The following NFIC variants were observed in gnomAD, a reference collection of about 807,000 sequenced individuals.
The protein encoded by NFIC is nuclear factor 1 C-type.
In NFIC, 12 loss-of-function variants were observed where a neutral mutation model predicts 54.4. The ratio of observed to expected loss-of-function variants is 0.22; its 90% CI spans 0.14 to 0.36. NFIC has a LOEUF of 0.36. Ranked by LOEUF, NFIC falls within the 10% of genes least tolerant of loss-of-function variation. The pLI is 1.00. For synonymous variants in NFIC, 322 were observed against 319.2 expected, an observed-to-expected ratio of 1.01 and a Z score of -0.09; for missense variants, 575 against 718.2, an observed-to-expected ratio of 0.80 and a Z score of 2.28.
rs2082680487 is a variant in NFIC at position 3,463,983 on chromosome 19, C to G, written c.*1214C>G. On this transcript the variant is annotated 3_prime_UTR_variant, in exon 11 of 11. Transcript: ENST00000443272. ...CCCCCCCAGAGCTAGAGAGATGGGG[C>G]CCCTGCGTGGCCCGAGGGGCAGAGC... 2 of 984,958 alleles carry G rather than the reference C, an allele frequency of 2.0e-6. No individual in the cohort carries two copies. The highest frequency in any genetic ancestry group is 2.4e-6 in the Non-Finnish European group (2 of 829,888). 61.0% of individuals were successfully genotyped at this position (984,958 alleles called of 1,614,324 possible).
chr19:3,428,181 A>G (rs1411173121), intron 3 of NFIC, among the ~76,000 whole-genome samples: 2 of 151,044 alleles, frequency 1.3e-5, no homozygotes, highest in African/African-American at 2.4e-5. Flanking sequence ...CAAAAAAAAA[A>G]AAAAGAAAAG....
chr19:3,456,721 G>A, intron 10 of NFIC, 86 bp downstream of exon 10: 1 of 1,257,260 alleles, frequency 8.0e-7, no homozygotes, highest in Non-Finnish European at 1.1e-6. Context: ...AGGGCCTGCT[G>A]GGTCCCACGC....
chr19:3,454,506 T>C (rs2082521375), intron 9 of NFIC, among the ~76,000 whole-genome samples: 1 of 151,858 alleles, frequency 6.6e-6, no homozygotes, highest in Non-Finnish European at 1.5e-5. Context: ...ACCTTCTAGA[T>C]TTTTCTGCTC....
Position 3,463,982 on chromosome 19 carries a change from GC to G in NFIC, c.*1217del, listed in dbSNP as rs1025780119. On this transcript the variant is annotated 3_prime_UTR_variant, in exon 11 of 11. Transcript: ENST00000443272. Reference sequence around the variant, plus strand: ...GCCCCCCCAGAGCTAGAGAGATGGGGCCCCTGCGTGGCCCGAGGGGCAGAGC... The same window carrying G: ...GCCCCCCCAGAGCTAGAGAGATGGGGCCCTGCGTGGCCCGAGGGGCAGAGC... 1 of 985,084 alleles carries G rather than the reference GC, an allele frequency of 1.0e-6. No homozygotes were observed. Among genetic ancestry groups the G allele is most frequent in the African/African-American group, 1.8e-5 (1 of 57,136 alleles). The allele number at this position is 985,084 out of a possible 1,614,324, so 61.0% of individuals were successfully genotyped here.
chr19:3,459,946 G>T lies in NFIC; in HGVS notation c.1510-2806G>T, dbSNP rs1226009584. Among the ~76,000 whole-genome samples the T allele has an allele frequency of 6.6e-6, 1 of 152,136 alleles. No homozygotes were observed. Among genetic ancestry groups the T allele is most frequent in the Non-Finnish European group, 1.5e-5 (1 of 68,018 alleles). On this transcript the variant is annotated intron_variant, in intron 10 of 10. Coordinates refer to ENST00000443272, the MANE Select transcript of NFIC (RefSeq NM_001245002.2). The surrounding 1 kb of genome is among the most constrained non-coding windows in gnomAD (Gnocchi z 4.2). ...GTTGGGGAGTGGAGGGGTCTCCCCAGTTCCAGAGGCACAGCCCTCCCCTCA... is the reference window on the plus strand; with the variant it reads ...GTTGGGGAGTGGAGGGGTCTCCCCATTTCCAGAGGCACAGCCCTCCCCTCA...
Position 3,375,266 on chromosome 19 carries a change from C to T in NFIC, c.31-6446C>T, listed in dbSNP as rs2081086263. ...CCAGAGCTTGGGTGGCAGCCACGGCCCCAGCTGGACAACATTGTCCGGGCC... is the reference window on the plus strand; with the variant it reads ...CCAGAGCTTGGGTGGCAGCCACGGCTCCAGCTGGACAACATTGTCCGGGCC... On this transcript the variant is annotated intron_variant, in intron 1 of 10. Coordinates refer to ENST00000443272, the MANE Select transcript of NFIC (RefSeq NM_001245002.2). The surrounding 1 kb of genome is among the most constrained non-coding windows in gnomAD (Gnocchi z 4.6). 6.6e-6 allele frequency among the ~76,000 whole-genome samples: 1 copy of T among 152,096 alleles called. No individual in the cohort carries two copies. The highest frequency in any genetic ancestry group is 2.1e-4 in the South Asian group (1 of 4,824).
At chr19:3,376,775 C>T (rs1177924164) in intron 1 of NFIC, among the ~76,000 whole-genome samples, 3 of 152,054 alleles carry the variant, frequency 2.0e-5, no homozygotes, top group Non-Finnish European at 4.4e-5. Context: ...GTTGCCCAGG[C>T]TGGAGTGCAA....
intron 2 of NFIC, among the ~76,000 whole-genome samples, chr19:3,398,282 G>A (rs975873731): frequency 3.3e-5 from 5 of 152,132 alleles, no homozygotes; most frequent in African/African-American, 9.7e-5. Flanking sequence ...TAGGGAGAAG[G>A]GCCTGAAACA....
intron 2 of NFIC, among the ~76,000 whole-genome samples, chr19:3,422,979 C>G (rs1292365187): frequency 6.6e-6 from 1 of 151,482 alleles, no homozygotes; most frequent in Non-Finnish European, 1.5e-5. Flanking sequence ...GGCGGATCAC[C>G]TGAGGTCAGG....
intron 2 of NFIC, among the ~76,000 whole-genome samples, chr19:3,414,155 G>A (rs1160120599): frequency 2.6e-5 from 4 of 152,140 alleles, no homozygotes; most frequent in Non-Finnish European, 5.9e-5. Flanking sequence ...GCTCAGAGAT[G>A]TGGAAGTACT....
chr19:3,366,679 C>T lies in NFIC; in HGVS notation c.30+13C>T, dbSNP rs777810853. 9 of 1,406,194 alleles carry T rather than the reference C, an allele frequency of 6.4e-6. No individual in the cohort carries two copies. The highest frequency in any genetic ancestry group is 3.0e-5 in the African/African-American group (2 of 66,656). 87.1% of individuals were successfully genotyped at this position (1,406,194 alleles called of 1,614,324 possible). On this transcript the variant is annotated intron_variant, in intron 1 of 10. Transcript: ENST00000443272. ...CTGCCTCACCCAGGTACGGTCCTCG[C>T]CCGGCCCCCCGCCGGCGCCCCCGCG... is the stretch of plus-strand genomic sequence containing the variant.
At position 3,369,958 on chromosome 19, in the gene NFIC, G is replaced by A. The variant is rs562714097; in HGVS notation, c.30+3292G>A. 1.8e-4 allele frequency among the ~76,000 whole-genome samples: 27 copies of A among 152,298 alleles called. 1 individual carries two copies. The South Asian group carries it at 5.2e-3, about 29-fold the overall frequency. On this transcript the variant is annotated intron_variant, in intron 1 of 10. Transcript: ENST00000443272. This position sits in a 1 kb window ranked among gnomAD's most constrained non-coding sequence, Gnocchi z 4.3. ...CTGCCATTTCTCCAGCAGGGTAACC[G>A]AGGCTGGGAGAGGCTGTCCTCCCAC...
chr19:3,394,519 A>ACACCCCCCCCC (rs1555744611), intron 2 of NFIC, among the ~76,000 whole-genome samples: 3 of 47,308 alleles, frequency 6.3e-5, no homozygotes, highest in African/African-American at 4.1e-4. Flanking sequence ...TCTTTTCCCC[A>ACACCCCCCCCC]CCCACCCCCC....
chr19:3,375,464 C>T lies in NFIC; in HGVS notation c.31-6248C>T, dbSNP rs892448591. 5.3e-5 allele frequency among the ~76,000 whole-genome samples: 8 copies of T among 152,232 alleles called. No individual in the cohort carries two copies. The highest frequency in any genetic ancestry group is 1.4e-4 in the African/African-American group (6 of 41,466). ...TGTGTGACCCTGGACAAACCACTCC[C>T]CATCTCTGGGTCTCATCCAGTCAGG... On this transcript the variant is annotated intron_variant, in intron 1 of 10. Transcript: ENST00000443272. The surrounding 1 kb of genome is among the most constrained non-coding windows in gnomAD (Gnocchi z 4.6).
At chr19:3,397,970 T>G (rs1323711301) in intron 2 of NFIC, among the ~76,000 whole-genome samples, 3 of 152,124 alleles carry the variant, frequency 2.0e-5, no homozygotes, top group Non-Finnish European at 2.9e-5. Context: ...TCCCTTCATC[T>G]CTCTGTGCCT....
At chr19:3,400,399 C>T (rs991565403) in intron 2 of NFIC, among the ~76,000 whole-genome samples, 2 of 151,956 alleles carry the variant, frequency 1.3e-5, no homozygotes, top group Non-Finnish European at 2.9e-5. Context: ...ATGGTGTGAA[C>T]CTGGGAGGCG....
At chr19:3,404,838 C>G (rs929592023) in intron 2 of NFIC, among the ~76,000 whole-genome samples, 10 of 152,190 alleles carry the variant, frequency 6.6e-5, no homozygotes, top group African/African-American at 2.4e-4. Context: ...CCAGGGACCT[C>G]CAGACCCGCT....
In NFIC at chr19:3,463,357, C is replaced by G; in HGVS notation, c.*588C>G. On this transcript the variant is annotated 3_prime_UTR_variant, in exon 11 of 11. Coordinates refer to ENST00000443272, the MANE Select transcript of NFIC (RefSeq NM_001245002.2). ...TGGGGGGAAAGGGAGACACAGCGGACCCCGGCCGGGCAGCGGAGACCGCAG... is the reference window on the plus strand; with the variant it reads ...TGGGGGGAAAGGGAGACACAGCGGAGCCCGGCCGGGCAGCGGAGACCGCAG... 3.0e-6 allele frequency: 3 copies of G among 986,348 alleles called. No homozygotes were observed. Among genetic ancestry groups the G allele is most frequent in the Non-Finnish European group, 3.6e-6 (3 of 830,668 alleles). 61.1% of individuals were successfully genotyped at this position (986,348 alleles called of 1,614,324 possible).
rs1032969687 is a variant in NFIC at position 3,458,933 on chromosome 19, G to A, written c.1509+2298G>A. ...GGGCATCCAGGGAGCACAGGTCTGG[G>A]GAGGACCCCATTGCTGCTGCCCTGA... On this transcript the variant is annotated intron_variant, in intron 10 of 10. Transcript: ENST00000443272. The surrounding 1 kb of genome is among the most constrained non-coding windows in gnomAD (Gnocchi z 4.1). Among the ~76,000 whole-genome samples the A allele has an allele frequency of 1.3e-5, 2 of 152,108 alleles. No homozygotes were observed. The highest frequency in any genetic ancestry group is 4.8e-5 in the African/African-American group (2 of 41,408).
Sources: allele counts gnomAD v4.1 joint callset (sites outside exome capture counted in the v4.1 genomes callset), GRCh38; gene constraint gnomAD v4.1.1; non-coding constraint Gnocchi (gnomAD v3.1); transcripts MANE v1.5; gene names NCBI Gene and HGNC (gene_info 2026-07-23, HGNC 2026-07-21).